The following HGF variants were observed in gnomAD, a reference collection of about 807,000 sequenced individuals.
HGF encodes fibroblast-derived tumor cytotoxic factor.
Under a neutral mutation model 111.6 loss-of-function variants are expected in HGF, and 39 were observed. The observed-to-expected ratio is 0.35, with a 90% CI of 0.27 to 0.46. The LOEUF (loss-of-function observed/expected upper bound fraction) is 0.46. HGF is among the 20% of genes least tolerant of loss of function. The pLI is 1.00. For synonymous variants in HGF, 285 were observed against 294.8 expected, an observed-to-expected ratio of 0.97 and a Z score of 0.34; for missense variants, 735 against 910.5, an observed-to-expected ratio of 0.81 and a Z score of 2.48.
intron 17 of HGF, among the ~76,000 whole-genome samples, chr7:81,703,704 C>G (rs1338463583): frequency 6.6e-6 from 1 of 151,526 alleles, no homozygotes; most frequent in African/African-American, 2.4e-5. Context: ...CTTTTGGTAT[C>G]TTTATATGCA....
chr7:81,717,450 C>G, intron 10 of HGF, 85 bp from the exon 11 acceptor site: 3 of 1,288,364 alleles, frequency 2.3e-6, no homozygotes, highest in Non-Finnish European at 3.4e-6. Context: ...ATAATCTCAG[C>G]ACATTACTTT....
intron 9 of HGF, among the ~76,000 whole-genome samples, chr7:81,723,773 G>A (rs1293262595): frequency 6.7e-6 from 1 of 150,278 alleles, no homozygotes; most frequent in Admixed American, 6.6e-5. Context: ...TATGGAGAAG[G>A]ATAAGAGTAA....
At chr7:81,755,865 T>A (rs1056308604) in intron 4 of HGF, 1 of 563,272 alleles carries the variant, frequency 1.8e-6, no homozygotes, top group Admixed American at 3.3e-5. Flanking sequence ...GTAGAGATGA[T>A]CAGCTTGGAC....
intron 11 of HGF, among the ~76,000 whole-genome samples, chr7:81,714,321 A>G (rs1320732898): frequency 6.6e-6 from 1 of 152,162 alleles, no homozygotes; most frequent in Non-Finnish European, 1.5e-5. Flanking sequence ...GGCTTTGTAC[A>G]CAATAGCAGC....
intron 7 of HGF, among the ~76,000 whole-genome samples, chr7:81,732,778 G>T (rs773148457): frequency 2.0e-5 from 3 of 152,100 alleles, no homozygotes; most frequent in Non-Finnish European, 2.9e-5. Context: ...TACTGATAAA[G>T]GCTAAACATA....
intron 10 of HGF, among the ~76,000 whole-genome samples, chr7:81,719,433 AGCCACTG>A (rs1789797003): frequency 6.6e-6 from 1 of 152,216 alleles, no homozygotes; most frequent in South Asian, 2.1e-4. Flanking sequence ...TCAATATAGT[AGCCACTG>A]GCCACATATG....
At chr7:81,761,576 A>G (rs1275050482) in intron 2 of HGF, among the ~76,000 whole-genome samples, 1 of 152,088 alleles carries the variant, frequency 6.6e-6, no homozygotes, top group African/African-American at 2.4e-5. Context: ...AAAAGATAAA[A>G]TAGGGAGTGA....
At chr7:81,747,032 T>C (rs116456982) in intron 5 of HGF, among the ~76,000 whole-genome samples, 22 of 152,122 alleles carry the variant, frequency 1.4e-4, no homozygotes, top group Non-Finnish European at 2.1e-4. Context: ...ACTTTCTAGA[T>C]AACAGGATCT....
intron 2 of HGF, among the ~76,000 whole-genome samples, chr7:81,760,524 T>C (rs1001214706): frequency 6.6e-6 from 1 of 152,202 alleles, no homozygotes; most frequent in Non-Finnish European, 1.5e-5. Flanking sequence ...GTATTTTTCA[T>C]TGTTTTTAAA....
intron 5 of HGF, among the ~76,000 whole-genome samples, chr7:81,749,971 T>C (rs777156454): frequency 2.0e-5 from 3 of 152,112 alleles, no homozygotes; most frequent in Non-Finnish European, 2.9e-5. Context: ...AATGACTTTA[T>C]AGTTGCTACC....
Position 81,705,370 on chromosome 7 carries a change from T to C in HGF, c.2010+20A>G, listed in dbSNP as rs1789393858. ...TAAGCTATGAATCACATACTCCTTA[T>C]TAAAGAACTTCCTTTTTACCTCACA... On this transcript the variant is annotated intron_variant, in intron 17 of 17. Coordinates refer to ENST00000222390, the MANE Select transcript of HGF (RefSeq NM_000601.6). 3 of 1,608,840 alleles carry C rather than the reference T, an allele frequency of 1.9e-6. No individual in the cohort carries two copies.
chr7:81,767,673 T>C (rs1207702891), intron 1 of HGF, among the ~76,000 whole-genome samples: 1 of 152,150 alleles, frequency 6.6e-6, no homozygotes, highest in Non-Finnish European at 1.5e-5. Flanking sequence ...ATTGAATATT[T>C]CTTAAGCTTT....
chr7:81,705,135 G>C (rs949630724), intron 17 of HGF, among the ~76,000 whole-genome samples: 9 of 151,178 alleles, frequency 6.0e-5, no homozygotes, highest in African/African-American at 2.2e-4. Context: ...GCTCTCCCTT[G>C]GAGTTCCGGC....
chr7:81,730,942 G>C (rs192549079), intron 7 of HGF, among the ~76,000 whole-genome samples: 2 of 152,282 alleles, frequency 1.3e-5, no homozygotes, highest in Admixed American at 1.3e-4. Flanking sequence ...ACTGTACGAA[G>C]GACAGGCCAG....
chr7:81,751,952 A>G, intron 5 of HGF, 168 bp downstream of exon 5: 1 of 1,426,936 alleles, frequency 7.0e-7, no homozygotes, highest in Middle Eastern at 2.1e-4. Flanking sequence ...TGATAATCCA[A>G]CAGTTTTAAA....
At chr7:81,741,378 C>T (rs1787994706) in intron 7 of HGF, among the ~76,000 whole-genome samples, 1 of 152,096 alleles carries the variant, frequency 6.6e-6, no homozygotes, top group Non-Finnish European at 1.5e-5. Flanking sequence ...CTAGCCAGCT[C>T]CTTTTTGGAC....
Position 81,743,387 on chromosome 7 carries a change from G to T in HGF, c.831C>A (p.His277Gln), listed in dbSNP as rs777970277. The T allele has an allele frequency of 6.2e-7, 1 of 1,612,042 alleles. No individual in the cohort carries two copies. The highest frequency in any genetic ancestry group is 8.5e-7 in the Non-Finnish European group (1 of 1,178,050). ...TAATTGCACAGTACTCCCAGCGGGT[G>T]TGAGGGTCAAGAGTATAGCACCATG... Reference protein sequence around the residue: ...PRPWCYTLDPHTRWEYCAIKT... With the variant: ...PRPWCYTLDPQTRWEYCAIKT... The change falls in exon 7 of 18, where the codon CAC (histidine) becomes CAA (glutamine). Residue 277 changes from histidine (H) to glutamine (Q), a missense_variant. Physicochemically the swap from His to Gln is conservative, Grantham distance 24 (BLOSUM62 0). This residue lies in a region of HGF where 553 missense variants were observed against 685.6 expected (regional missense o/e 0.81). Transcript: ENST00000222390.
intron 7 of HGF, among the ~76,000 whole-genome samples, chr7:81,739,135 T>G (rs1787925303): frequency 6.6e-6 from 1 of 152,100 alleles, no homozygotes; most frequent in Non-Finnish European, 1.5e-5. Flanking sequence ...CCAATAATTT[T>G]AAAATATTTT....
rs2116177015 is a variant in HGF at position 81,757,175 on chromosome 7, C to T, written c.482+14G>A. On this transcript the variant is annotated intron_variant, in intron 4 of 17. Transcript: ENST00000222390. ...AGACAGAGGCTTCATCTCTTTTCTT[C>T]ATACTGTTCTTACCTGTGTTCGTGT... 1.6e-6 allele frequency: 2 copies of T among 1,282,442 alleles called. No individual in the cohort carries two copies. The highest frequency in any genetic ancestry group is 2.4e-5 in the South Asian group (2 of 84,412). The allele number at this position is 1,282,442 out of a possible 1,614,324, so 79.4% of individuals were successfully genotyped here.
Sources: allele counts gnomAD v4.1 joint callset (sites outside exome capture counted in the v4.1 genomes callset), GRCh38; gene constraint gnomAD v4.1.1; regional missense constraint gnomAD v4.1.1; transcripts MANE v1.5; gene names NCBI Gene and HGNC (gene_info 2026-07-23, HGNC 2026-07-21).